Variants in TCF12 observed in about 807,000 individuals in gnomAD.
The protein encoded by TCF12 is DNA-binding protein HTF4.
Under a neutral mutation model 86.0 loss-of-function variants are expected in TCF12, and 45 were observed. That is an observed-to-expected ratio of 0.52 (90% CI 0.41 to 0.67). TCF12 has a LOEUF of 0.67. Among genes scored for constraint, TCF12 ranks in the 30% least tolerant of loss-of-function variants. TCF12 has a pLI of 0.00. For synonymous variants in TCF12, 330 were observed against 299.6 expected (o/e 1.10, Z -1.05); for missense variants, 881 against 859.9 (o/e 1.02, Z -0.31).
chr15:57,002,747 G>A (rs1448335477), intron 3 of TCF12, among the ~76,000 whole-genome samples: 6 of 152,254 alleles, frequency 3.9e-5, no homozygotes, highest in East Asian at 1.9e-4. Context: ...TCTCTATAAG[G>A]TTTCACGTTT....
In TCF12 at chr15:57,252,475, T is replaced by G. The variant is rs200273271; in HGVS notation, c.1243T>G (p.Leu415Val). 2 of 1,613,956 alleles carry G rather than the reference T, an allele frequency of 1.2e-6. No individual in the cohort carries two copies. The highest frequency in any genetic ancestry group is 1.7e-6 in the Non-Finnish European group (2 of 1,179,898). The change falls in exon 15 of 21, where the codon TTA (leucine) becomes GTA (valine). Residue 415 changes from leucine to valine, a missense_variant. This residue lies in a region of TCF12 where 766 missense variants were observed against 718.9 expected (regional missense o/e 1.07). Transcript: ENST00000333725. ...GCATTTGCAAGATGCAATGTCCTTC[T>G]TAAAGGATGTCTGTGAGGTACTATT... Reference protein sequence around the residue: ...HEHLQDAMSFLKDVCEQSRME... With the variant: ...HEHLQDAMSFVKDVCEQSRME...
chr15:56,999,602 A>C (rs1374170018), intron 3 of TCF12, among the ~76,000 whole-genome samples: 1 of 151,970 alleles, frequency 6.6e-6, no homozygotes, highest in African/African-American at 2.4e-5. Context: ...GGCCGGGTGC[A>C]GTGGTTCATG....
chr15:57,268,667 T>C (rs1390307983), intron 18 of TCF12, among the ~76,000 whole-genome samples: 1 of 152,220 alleles, frequency 6.6e-6, no homozygotes, highest in Non-Finnish European at 1.5e-5. Flanking sequence ...AATTTATATC[T>C]GAATCATAAA....
intron 3 of TCF12, among the ~76,000 whole-genome samples, chr15:57,058,678 A>G (rs1027873042): frequency 1.3e-5 from 2 of 152,216 alleles, no homozygotes; most frequent in African/African-American, 4.8e-5. Flanking sequence ...TATACTTTAG[A>G]TGAGGTAGCA....
chr15:57,127,700 G>C (rs1435106913), intron 5 of TCF12, among the ~76,000 whole-genome samples: 1 of 152,198 alleles, frequency 6.6e-6, no homozygotes, highest in African/African-American at 2.4e-5. Flanking sequence ...CCCAGTGAAA[G>C]TGTAAGAATA....
rs1441249152 is a variant in TCF12, at chr15:57,273,214, C to T, written c.1930C>T (p.Leu644Phe). 1 of 1,614,166 alleles carries T rather than the reference C, an allele frequency of 6.2e-7. No homozygotes were observed. Residue 644 changes from leucine to phenylalanine, a missense_variant, in exon 19 of 21, where the codon CTT (leucine) becomes TTT (phenylalanine). By Grantham distance (22) the Leu-to-Phe change is conservative. Around this residue, in one of 3 missense-constraint regions of TCF12, gnomAD observed 46 missense variants for 76.7 expected, o/e 0.60. Transcript: ENST00000333725. ...AAAACCCCAAACAAAACTCCTTATT[C>T]TTCATCAAGCCGTGGCAGTCATCCT... ...SEKPQTKLLI[L>F]HQAVAVILSL...
chr15:57,279,438 T>C (rs2061576901), intron 19 of TCF12, among the ~76,000 whole-genome samples: 2 of 152,156 alleles, frequency 1.3e-5, no homozygotes, highest in South Asian at 4.1e-4. Context: ...GCCCTGCAGG[T>C]AATGAGAAGT....
chr15:57,065,003 A>G (rs1477947265), intron 4 of TCF12, among the ~76,000 whole-genome samples: 2 of 152,182 alleles, frequency 1.3e-5, no homozygotes, highest in East Asian at 1.9e-4. Flanking sequence ...TATGGTTTAC[A>G]CAAGTTTGCA....
intron 8 of TCF12, among the ~76,000 whole-genome samples, chr15:57,226,780 G>A (rs1470813753): frequency 3.3e-5 from 5 of 152,118 alleles, no homozygotes; most frequent in Admixed American, 2.6e-4. Context: ...TGCCGGATAA[G>A]AAGGATCTAA....
At chr15:57,012,822 A>G (rs931619285) in intron 3 of TCF12, among the ~76,000 whole-genome samples, 1 of 152,240 alleles carries the variant, frequency 6.6e-6, no homozygotes, top group Admixed American at 6.5e-5. Context: ...AATACTCTCT[A>G]CAGGAATATT....
At chr15:57,105,168 C>G (rs556338241) in intron 5 of TCF12, among the ~76,000 whole-genome samples, 2 of 152,196 alleles carry the variant, frequency 1.3e-5, no homozygotes, top group East Asian at 3.9e-4. Flanking sequence ...GCTACTGTGC[C>G]CGACCAATCT....
At chr15:57,101,536 AG>A (rs1214024627) in intron 5 of TCF12, among the ~76,000 whole-genome samples, 1 of 152,220 alleles carries the variant, frequency 6.6e-6, no homozygotes, top group Non-Finnish European at 1.5e-5. Context: ...TGTGAACACT[AG>A]AACTTGCCAT....
chr15:57,181,897 A>G (rs1278182486), intron 6 of TCF12, among the ~76,000 whole-genome samples: 2 of 152,188 alleles, frequency 1.3e-5, no homozygotes, highest in African/African-American at 2.4e-5. Context: ...AGTATTAGAT[A>G]TATTTTTCAC....
At position 56,938,145 on chromosome 15, in the gene TCF12, C is replaced by CT. The variant is rs371049649; in HGVS notation, c.148+17056dup. Among the ~76,000 whole-genome samples, 63 of 100,452 alleles carry CT rather than the reference C, an allele frequency of 6.3e-4. No homozygotes were observed. The Middle Eastern group carries it at 0.025, about 40-fold the overall frequency. The allele number at this position is 100,452 out of a possible 152,430, so 65.9% of individuals were successfully genotyped here. On this transcript the variant is annotated intron_variant, in intron 3 of 20. Coordinates refer to ENST00000333725, the MANE Select transcript of TCF12 (RefSeq NM_207037.2). Reference sequence around the variant, plus strand: ...GGTCTGTAGTTTGCTTTTTTTTCTTCTTTTTTTTTGTTTCTTTTCTTTTTC... The same window carrying CT: ...GGTCTGTAGTTTGCTTTTTTTTCTTCTTTTTTTTTTGTTTCTTTTCTTTTTC...
chr15:57,093,458 A>G (rs1279844564), intron 5 of TCF12, among the ~76,000 whole-genome samples: 1 of 152,082 alleles, frequency 6.6e-6, no homozygotes, highest in Non-Finnish European at 1.5e-5. Context: ...CTCTTTTTGT[A>G]TTTATGTTCT....
chr15:57,167,463 A>C (rs2054986008), intron 6 of TCF12, among the ~76,000 whole-genome samples: 1 of 151,962 alleles, frequency 6.6e-6, no homozygotes, highest in African/African-American at 2.4e-5. Flanking sequence ...TGGGAGGCTG[A>C]AGCAGGAGGA....
chr15:57,213,594 A>G (rs1240492895), intron 8 of TCF12, among the ~76,000 whole-genome samples: 3 of 152,232 alleles, frequency 2.0e-5, no homozygotes, highest in Non-Finnish European at 4.4e-5. Flanking sequence ...GTCTTTTAAA[A>G]AATGAATTTA....
At chr15:57,226,913 CTGA>C (rs1443332900) in intron 8 of TCF12, among the ~76,000 whole-genome samples, 1 of 121,748 alleles carries the variant, frequency 8.2e-6, no homozygotes, top group African/African-American at 2.5e-5. Flanking sequence ...AGTCATGTGA[CTGA>C]TAGCTACTGT....
At chr15:56,989,991 G>A (rs1039735624) in intron 3 of TCF12, among the ~76,000 whole-genome samples, 1 of 151,830 alleles carries the variant, frequency 6.6e-6, no homozygotes, top group East Asian at 1.9e-4. Flanking sequence ...AACAAATGAA[G>A]ATTAAAAGAC....
Sources: gnomAD v4.1 joint callset for allele counts (sites outside exome capture counted in the v4.1 genomes callset) on GRCh38, gnomAD v4.1.1 for gene constraint, gnomAD v4.1.1 regional missense constraint, MANE v1.5 for transcripts, NCBI Gene and HGNC (gene_info 2026-07-23, HGNC 2026-07-21) for gene names.